ADAMTS4: variants seen among roughly 807,000 people sequenced by gnomAD.
ADAMTS4 encodes ADAM metallopeptidase with thrombospondin type 1 motif 4.
In ADAMTS4, 38 loss-of-function variants were observed where a neutral mutation model predicts 66.7. That is an observed-to-expected ratio of 0.57 (90% CI 0.44 to 0.75). The LOEUF (loss-of-function observed/expected upper bound fraction) is 0.75, where lower values mean the gene tolerates loss of function less well. Ranked by LOEUF, ADAMTS4 falls within the 30% of genes least tolerant of loss-of-function variation. The pLI, the probability that ADAMTS4 is intolerant of heterozygous loss-of-function variation, is 0.00. For synonymous variants in ADAMTS4, 418 were observed against 461.5 expected (o/e 0.91, Z 1.21); for missense variants, 1,014 against 1,116.7 (o/e 0.91, Z 1.31).
Position 161,194,028 on chromosome 1 carries a change from T to C in ADAMTS4, c.1455A>G (p.Lys485=). The stretch of plus-strand genomic sequence containing the variant: ...GTGTGCCATCGGCCCAGGGCGAGTG[T>C]TTGGTCTGGCACATGGCATGGCCAT... The part of the protein sequence containing the change: ...HLNGHAMCQT[K]HSPWADGTPC... The change falls in exon 5 of 9, where the codon AAA becomes AAG. Residue 485 remains lysine (K), a synonymous_variant. Transcript: ENST00000367996. The surrounding 1 kb of genome is among the most constrained non-coding windows in gnomAD (Gnocchi z 4.1). 2 of 1,613,968 alleles carry C rather than the reference T, an allele frequency of 1.2e-6. No individual in the cohort carries two copies. Among genetic ancestry groups the C allele is most frequent in the Non-Finnish European group, 1.7e-6 (2 of 1,179,978 alleles).
chr1:161,188,741 C>T lies in ADAMTS4; in HGVS notation c.*2397G>A, dbSNP rs745922154. On this transcript the variant is annotated 3_prime_UTR_variant, in exon 9 of 9. Coordinates refer to ENST00000367996, the MANE Select transcript of ADAMTS4 (RefSeq NM_005099.6). Reference sequence around the variant, plus strand: ...TTTTGTTTTTGTTTTTGTATCGAGACGAGTCTCACTCTGTCTCCCAGGCTG... The same window carrying T: ...TTTTGTTTTTGTTTTTGTATCGAGATGAGTCTCACTCTGTCTCCCAGGCTG... 7 of 149,374 alleles carry T rather than the reference C, an allele frequency of 4.7e-5. No homozygotes were observed. The highest frequency in any genetic ancestry group is 1.5e-4 in the African/African-American group (6 of 40,564). 9.3% of individuals were successfully genotyped at this position (149,374 alleles called of 1,614,324 possible). A position where few individuals can be genotyped will look rare whatever the true frequency, so the allele number is the denominator to read the frequency against.
chr1:161,196,477 A>T, intron 2 of ADAMTS4, 80 bp downstream of exon 2: 2 of 1,529,698 alleles, frequency 1.3e-6, no homozygotes, highest in South Asian at 2.4e-5. Flanking sequence ...CTCCAGGAAC[A>T]TCATTTGCAT....
intron 2 of ADAMTS4, 84 bp from the exon 3 acceptor site, chr1:161,196,387 G>A (rs1664838565): frequency 4.6e-6 from 7 of 1,536,880 alleles, no homozygotes; most frequent in Non-Finnish European, 5.3e-6. Context: ...CGGGGACCTG[G>A]GCACTGAGGA....
rs779634834 is a variant in ADAMTS4, at chr1:161,193,279, G to T, written c.1845C>A (p.Pro615=). 1.9e-6 allele frequency: 3 copies of T among 1,614,044 alleles called. No homozygotes were observed. In the South Asian group the frequency reaches 3.3e-5, roughly 18 times the overall value. The stretch of plus-strand genomic sequence containing the variant: ...GGCAGGTGAGTTTGCACTGGTCCTG[G>T]GGGGCCACGCCTGTGTAGCGAGGAA... ...DWVPRYTGVA[P]QDQCKLTCQA... The change falls in exon 7 of 9, where the codon CCC becomes CCA. Residue 615 remains proline, a synonymous_variant. Transcript: ENST00000367996. This position sits in a 1 kb window ranked among gnomAD's most constrained non-coding sequence, Gnocchi z 4.4.
rs1664645965 is a variant in ADAMTS4, at chr1:161,190,679, C to T, written c.*459G>A. On this transcript the variant is annotated 3_prime_UTR_variant, in exon 9 of 9. Coordinates refer to ENST00000367996, the MANE Select transcript of ADAMTS4 (RefSeq NM_005099.6). ...AAGCACACACACATTTTCACACACA[C>T]ACACACGCATACACACACCACTTAT... The T allele has an allele frequency of 6.4e-6, 1 of 156,510 alleles. No individual in the cohort carries two copies. Among genetic ancestry groups the T allele is most frequent in the Non-Finnish European group, 1.4e-5 (1 of 70,766 alleles). The allele number at this position is 156,510 out of a possible 1,614,324, so 9.7% of individuals were successfully genotyped here. A position where few individuals can be genotyped will look rare whatever the true frequency, so the allele number is the denominator to read the frequency against.
In ADAMTS4 at chr1:161,193,629, C is replaced by T. The variant is rs1664734920; in HGVS notation, c.1735+11G>A. The T allele has an allele frequency of 6.2e-7, 1 of 1,602,624 alleles. No homozygotes were observed. Among genetic ancestry groups the T allele is most frequent in the Non-Finnish European group, 8.5e-7 (1 of 1,173,720 alleles). Reference sequence around the variant, plus strand: ...CCCCTCCCAAGGGCTCCCATCCCCCCTACTCCTCACCTGAGCCAGTTGGGC... The same window carrying T: ...CCCCTCCCAAGGGCTCCCATCCCCCTTACTCCTCACCTGAGCCAGTTGGGC... On this transcript the variant is annotated intron_variant, in intron 6 of 8. Transcript: ENST00000367996. This position sits in a 1 kb window ranked among gnomAD's most constrained non-coding sequence, Gnocchi z 4.4.
At chr1:161,197,642 A>G (rs772670350) in intron 1 of ADAMTS4, among the ~76,000 whole-genome samples, 85 of 152,136 alleles carry the variant, frequency 5.6e-4, no homozygotes, top group Non-Finnish European at 1.1e-3. Flanking sequence ...AATTTGGAGC[A>G]GAGAAAAGAG....
Position 161,193,395 on chromosome 1 carries a change from G to A in ADAMTS4, c.1736-7C>T. 2 of 1,611,288 alleles carry A rather than the reference G, an allele frequency of 1.2e-6. No individual in the cohort carries two copies. Among genetic ancestry groups the A allele is most frequent in the Non-Finnish European group, 1.7e-6 (2 of 1,178,338 alleles). On this transcript the variant is annotated splice_polypyrimidine_tract_variant and splice_region_variant and intron_variant, in intron 6 of 8. Coordinates refer to ENST00000367996, the MANE Select transcript of ADAMTS4 (RefSeq NM_005099.6). The surrounding 1 kb of genome is among the most constrained non-coding windows in gnomAD (Gnocchi z 4.4). ...TCCTCGCGGAAGGTCAGGGCTGGAG[G>A]GGTAAAACAGTCAGAGCCCCTCCTT...
Position 161,198,169 on chromosome 1 carries a change from T to G in ADAMTS4, c.459A>C (p.Leu153Phe). The change falls in exon 1 of 9, where the codon TTA becomes TTC. Residue 153 changes from leucine (L) to phenylalanine (F), a missense_variant. Leu to Phe is a conservative substitution (Grantham distance 22). Coordinates refer to ENST00000367996, the MANE Select transcript of ADAMTS4 (RefSeq NM_005099.6). This position sits in a 1 kb window ranked among gnomAD's most constrained non-coding sequence, Gnocchi z 4.7. ...GGTGGAGTTCAGCCCCCCGATATTGTAACACGCCTAACAGGGCTCCCCCAT... is the reference window on the plus strand; with the variant it reads ...GGTGGAGTTCAGCCCCCCGATATTGGAACACGCCTAACAGGGCTCCCCCAT... ...HWDGGALLGV[L>F]QYRGAELHLQ... 1 of 1,614,042 alleles carries G rather than the reference T, an allele frequency of 6.2e-7. No individual in the cohort carries two copies. The highest frequency in any genetic ancestry group is 8.5e-7 in the Non-Finnish European group (1 of 1,179,974).
Position 161,198,461 on chromosome 1 carries a change from G to A in ADAMTS4, c.167C>T (p.Pro56Leu), listed in dbSNP as rs760207615. 16 of 1,573,136 alleles carry A rather than the reference G, an allele frequency of 1.0e-5. No homozygotes were observed. The highest frequency in any genetic ancestry group is 1.4e-5 in the Non-Finnish European group (16 of 1,159,648). ...TGGAAACACGATCTCCTCCTCCCGG[G>A]GGAGGGGGCTGGCCAGCCGGGCTGA... ...LPSARLASPL[P>L]REEEIVFPEK... The change falls in exon 1 of 9, where the codon CCC (proline) becomes CTC (leucine). Residue 56 changes from proline to leucine, a missense_variant. Coordinates refer to ENST00000367996, the MANE Select transcript of ADAMTS4 (RefSeq NM_005099.6). The surrounding 1 kb of genome is among the most constrained non-coding windows in gnomAD (Gnocchi z 4.7).
chr1:161,193,294 G>A lies in ADAMTS4; in HGVS notation c.1830C>T (p.Tyr610=). 6.2e-7 allele frequency: 1 copy of A among 1,614,128 alleles called. No individual in the cohort carries two copies. Among genetic ancestry groups the A allele is most frequent in the Non-Finnish European group, 8.5e-7 (1 of 1,180,010 alleles). ...FPGPMDWVPR[Y]TGVAPQDQCK... The stretch of plus-strand genomic sequence containing the variant: ...ACTGGTCCTGGGGGGCCACGCCTGT[G>A]TAGCGAGGAACCCAGTCCATGGGCC... Residue 610 remains tyrosine (Y), a synonymous_variant, in exon 7 of 9, where the codon TAC becomes TAT. Coordinates refer to ENST00000367996, the MANE Select transcript of ADAMTS4 (RefSeq NM_005099.6). This position sits in a 1 kb window ranked among gnomAD's most constrained non-coding sequence, Gnocchi z 4.4.
rs1209513932 is a variant in ADAMTS4, at chr1:161,186,815, A to C, written c.*4323T>G. 1 of 152,064 alleles carries C rather than the reference A, an allele frequency of 6.6e-6. No homozygotes were observed. The allele number at this position is 152,064 out of a possible 1,614,324, so 9.4% of individuals were successfully genotyped here. On this transcript the variant is annotated 3_prime_UTR_variant, in exon 9 of 9. Transcript: ENST00000367996. The stretch of plus-strand genomic sequence containing the variant: ...GGAGTTCAAGACCAGCCTGGGCAAT[A>C]TGATAAGACCTCGTCTCAACCAAAA...
chr1:161,195,672 C>T, intron 3 of ADAMTS4, 37 bp from the exon 4 acceptor site: 4 of 1,574,340 alleles, frequency 2.5e-6, no homozygotes, highest in Non-Finnish European at 3.5e-6. Context: ...TCTGAGGGTC[C>T]CTTCCCCATG....
At chr1:161,197,019 T>TCCTGGC in intron 1 of ADAMTS4, 139 bp from the exon 2 acceptor site, 1 of 799,102 alleles carries the variant, frequency 1.3e-6, no homozygotes, top group Non-Finnish European at 2.0e-6. Context: ...GATTCCTGAC[T>TCCTGGC]CCTGGCGGGT....
At position 161,194,244 on chromosome 1, in the gene ADAMTS4, A is replaced by G. The variant is rs1445091788; in HGVS notation, c.1262-23T>C. On this transcript the variant is annotated intron_variant, in intron 4 of 8. Transcript: ENST00000367996. This position sits in a 1 kb window ranked among gnomAD's most constrained non-coding sequence, Gnocchi z 4.1. ...GCCCTGGGAAGGGGGTTGGGGCACA[A>G]AGTCAGCAACGGGCTGAGGGGAGCA... The G allele has an allele frequency of 2.5e-5, 40 of 1,604,600 alleles. No homozygotes were observed. The highest frequency in any genetic ancestry group is 3.2e-5 in the Non-Finnish European group (38 of 1,172,930).
Position 161,198,876 on chromosome 1 carries a change from G to A in ADAMTS4, c.-249C>T, listed in dbSNP as rs1456828263. 3 of 449,556 alleles carry A rather than the reference G, an allele frequency of 6.7e-6. No individual in the cohort carries two copies. Among genetic ancestry groups the A allele is most frequent in the Non-Finnish European group, 1.2e-5 (3 of 254,684 alleles). 27.8% of individuals were successfully genotyped at this position (449,556 alleles called of 1,614,324 possible). A position where few individuals can be genotyped will look rare whatever the true frequency, so the allele number is the denominator to read the frequency against. ...CTGAGCCCTCCTTTCCTGGATCTTT[G>A]TCTCTCCCTGCCTGTGTCTTCTGCA... On this transcript the variant is annotated 5_prime_UTR_variant, in exon 1 of 9. Transcript: ENST00000367996. This position sits in a 1 kb window ranked among gnomAD's most constrained non-coding sequence, Gnocchi z 4.7.
chr1:161,191,509 G>A lies in ADAMTS4; in HGVS notation c.2143C>T (p.Arg715Trp), dbSNP rs113816084. 1.4e-5 allele frequency: 22 copies of A among 1,613,880 alleles called. No homozygotes were observed. The highest frequency in any genetic ancestry group is 4.5e-5 in the East Asian group (2 of 44,896). Residue 715 changes from arginine to tryptophan, a missense_variant, in exon 9 of 9, where the codon CGG becomes TGG. Transcript: ENST00000367996. Reference protein sequence around the residue: ...IPAGATHILVRQQGNPGHRSI... With the variant: ...IPAGATHILVWQQGNPGHRSI... Reference sequence around the variant, plus strand: ...CGGTGGCCAGGGTTTCCCTGCTGCCGGACAAGAATGTGGGTGGCCCCCGCG... The same window carrying A: ...CGGTGGCCAGGGTTTCCCTGCTGCCAGACAAGAATGTGGGTGGCCCCCGCG...
In ADAMTS4 at chr1:161,194,200, G is replaced by A. The variant is rs1664758846; in HGVS notation, c.1283C>T (p.Pro428Leu). The change falls in exon 5 of 9, where the codon CCA (proline) becomes CTA (leucine). Residue 428 changes from proline (P) to leucine (L), a missense_variant. Pro to Leu is a moderately conservative substitution (Grantham distance 98). Transcript: ENST00000367996. This position sits in a 1 kb window ranked among gnomAD's most constrained non-coding sequence, Gnocchi z 4.1. The stretch of plus-strand genomic sequence containing the variant: ...CACAGGCAGATGCAATGGAGCCTCT[G>A]GTTTGTCTAAGAGACAGTGCCCTGG... ...NGYGHCLLDK[P>L]EAPLHLPVTF... is the part of the protein sequence containing the mutation. The A allele has an allele frequency of 6.2e-7, 1 of 1,614,058 alleles. No individual in the cohort carries two copies. The highest frequency in any genetic ancestry group is 8.5e-7 in the Non-Finnish European group (1 of 1,179,978).
rs1013651023 is a variant in ADAMTS4 at position 161,188,486 on chromosome 1, C to T, written c.*2652G>A. 6.0e-5 allele frequency: 9 copies of T among 150,260 alleles called. No homozygotes were observed. The highest frequency in any genetic ancestry group is 2.2e-4 in the African/African-American group (9 of 40,694). The allele number at this position is 150,260 out of a possible 1,614,324, so 9.3% of individuals were successfully genotyped here. A position where few individuals can be genotyped will look rare whatever the true frequency, so the allele number is the denominator to read the frequency against. Reference sequence around the variant, plus strand: ...CCCAACCTCCTGGCCTCAAGCAATCCTCCTGCCAAAGTACTGGGATTACAG... The same window carrying T: ...CCCAACCTCCTGGCCTCAAGCAATCTTCCTGCCAAAGTACTGGGATTACAG... On this transcript the variant is annotated 3_prime_UTR_variant, in exon 9 of 9. Coordinates refer to ENST00000367996, the MANE Select transcript of ADAMTS4 (RefSeq NM_005099.6).
Sources: gnomAD v4.1 joint callset for allele counts (sites outside exome capture counted in the v4.1 genomes callset) on GRCh38, gnomAD v4.1.1 for gene constraint, Gnocchi (gnomAD v3.1) non-coding constraint, MANE v1.5 for transcripts, NCBI Gene and HGNC (gene_info 2026-07-23, HGNC 2026-07-21) for gene names.